The following GTF2E2 variants were observed in gnomAD, a reference collection of about 807,000 sequenced individuals.
GTF2E2 encodes general transcription factor IIE subunit 2.
In GTF2E2, 21 loss-of-function variants were observed where a neutral mutation model predicts 40.5. That is an observed-to-expected ratio of 0.52 (90% confidence interval 0.37 to 0.75). The LOEUF is 0.75. Among genes scored for constraint, GTF2E2 ranks in the 30% least tolerant of loss-of-function variants. The pLI, the probability that GTF2E2 is intolerant of heterozygous loss-of-function variation, is 0.00. For missense variants in GTF2E2, 298 were observed against 338.4 expected, an observed-to-expected ratio of 0.88 and a Z score of 0.94; for synonymous variants, 117 against 121.6, an observed-to-expected ratio of 0.96 and a Z score of 0.25.
At chr8:30,579,774 T>G (rs1226202514) in intron 7 of GTF2E2, among the ~76,000 whole-genome samples, 2 of 152,204 alleles carry the variant, frequency 1.3e-5, no homozygotes, top group Non-Finnish European at 2.9e-5. Context: ...CAAGGCAATG[T>G]AAAAGTCATC....
At chr8:30,620,273 CGTAT>C (rs372867912) in intron 3 of GTF2E2, among the ~76,000 whole-genome samples, 49 of 149,252 alleles carry the variant, frequency 3.3e-4, no homozygotes, top group African/African-American at 1.1e-3. Context: ...CACACACACA[CGTAT>C]ACATACACAC....
At chr8:30,596,331 A>C (rs1829004627) in intron 6 of GTF2E2, among the ~76,000 whole-genome samples, 1 of 151,834 alleles carries the variant, frequency 6.6e-6, no homozygotes, top group Non-Finnish European at 1.5e-5. Flanking sequence ...TTTTTTTCAC[A>C]CTTCAGCTGT....
At chr8:30,632,459 C>T (rs1448833026) in intron 3 of GTF2E2, among the ~76,000 whole-genome samples, 1 of 152,066 alleles carries the variant, frequency 6.6e-6, no homozygotes, top group Non-Finnish European at 1.5e-5. Context: ...GCTTTGTTAA[C>T]TAGGAGATAT....
chr8:30,636,100 T>C (rs1398252917), intron 2 of GTF2E2, among the ~76,000 whole-genome samples: 1 of 152,166 alleles, frequency 6.6e-6, no homozygotes. Context: ...AGATCATTTG[T>C]TTCAAAATAT....
chr8:30,648,997 A>G (rs953132968), intron 2 of GTF2E2, among the ~76,000 whole-genome samples: 21 of 152,354 alleles, frequency 1.4e-4, no homozygotes, highest in Non-Finnish European at 2.5e-4. Flanking sequence ...CCTGTAGCCT[A>G]AACTACAAAA....
chr8:30,644,579 A>T (rs747124778), intron 2 of GTF2E2: 1 of 151,144 alleles, frequency 6.6e-6, no homozygotes, highest in Non-Finnish European at 1.5e-5. Context: ...AAAGGTAAGA[A>T]GAATCCACAA....
intron 3 of GTF2E2, among the ~76,000 whole-genome samples, chr8:30,620,253 C>CACACACACACAA (rs1801051575): frequency 6.6e-6 from 1 of 151,626 alleles, no homozygotes; most frequent in African/African-American, 2.4e-5. Flanking sequence ...CACACACACA[C>CACACACACACAA]ACACAAACAC....
Position 30,658,002 on chromosome 8 carries a change from C to G in GTF2E2, c.-34G>C, listed in dbSNP as rs558960208. 106 of 154,658 alleles carry G rather than the reference C, an allele frequency of 6.9e-4. No individual in the cohort carries two copies. The highest frequency in any genetic ancestry group is 1.4e-3 in the Non-Finnish European group (96 of 69,780). 9.6% of individuals were successfully genotyped at this position (154,658 alleles called of 1,614,324 possible). A position where few individuals can be genotyped will look rare whatever the true frequency, so the allele number is the denominator to read the frequency against. Reference sequence around the variant, plus strand: ...GTGAGAAGGGCAGCCTCGCACGACTCGCCGCCCCCTTCCTGCGCCTCCGCC... The same window carrying G: ...GTGAGAAGGGCAGCCTCGCACGACTGGCCGCCCCCTTCCTGCGCCTCCGCC... On this transcript the variant is annotated 5_prime_UTR_variant, in exon 1 of 8. Transcript: ENST00000355904.
chr8:30,653,081 A>G (rs1802337164), intron 2 of GTF2E2, among the ~76,000 whole-genome samples: 1 of 152,226 alleles, frequency 6.6e-6, no homozygotes. Flanking sequence ...AAATGGGCAC[A>G]TCAGATCTGC....
chr8:30,608,909 C>T (rs1022886899), intron 5 of GTF2E2, among the ~76,000 whole-genome samples: 10 of 152,152 alleles, frequency 6.6e-5, no homozygotes, highest in East Asian at 1.9e-4. Flanking sequence ...CCACCACGCC[C>T]GGCTAATTTT....
At chr8:30,638,024 T>C (rs989362768) in intron 2 of GTF2E2, among the ~76,000 whole-genome samples, 9 of 152,200 alleles carry the variant, frequency 5.9e-5, no homozygotes, top group Non-Finnish European at 4.4e-5. Flanking sequence ...GACTATTTTT[T>C]GAATGCAGGT....
intron 6 of GTF2E2, among the ~76,000 whole-genome samples, chr8:30,598,724 T>G (rs1829085383): frequency 6.6e-6 from 1 of 152,220 alleles, no homozygotes; most frequent in Non-Finnish European, 1.5e-5. Context: ...AACACGGGTA[T>G]TTTAGAGGTA....
intron 5 of GTF2E2, 21 bp downstream of exon 5, chr8:30,612,278 T>G (rs747141779): frequency 6.9e-7 from 1 of 1,441,000 alleles, no homozygotes. Context: ...TATTAAGACA[T>G]AGAAAGAAAA....
intron 2 of GTF2E2, among the ~76,000 whole-genome samples, chr8:30,641,488 A>C (rs898848160): frequency 2.0e-5 from 3 of 152,094 alleles, no homozygotes; most frequent in Non-Finnish European, 4.4e-5. Context: ...TGAGCCTCCC[A>C]AGTAGCCGAG....
intron 6 of GTF2E2, among the ~76,000 whole-genome samples, chr8:30,581,763 C>T (rs1828520674): frequency 6.6e-6 from 1 of 152,286 alleles, no homozygotes; most frequent in Admixed American, 6.5e-5. Context: ...CCTCTCTAAG[C>T]TCCTTGAGAG....
chr8:30,580,598 C>G (rs1346497102), intron 6 of GTF2E2, among the ~76,000 whole-genome samples: 1 of 152,136 alleles, frequency 6.6e-6, no homozygotes, highest in Admixed American at 6.5e-5. Context: ...ACCCACACAG[C>G]CCCGACAGTG....
intron 2 of GTF2E2, chr8:30,645,187 G>A (rs1039409658): frequency 6.5e-6 from 7 of 1,072,020 alleles, no homozygotes; most frequent in Non-Finnish European, 7.8e-6. Context: ...GATTCATGTT[G>A]CCTATACAAA....
chr8:30,625,238 T>C (rs544296280), intron 3 of GTF2E2, among the ~76,000 whole-genome samples: 10 of 152,252 alleles, frequency 6.6e-5, no homozygotes, highest in Middle Eastern at 3.4e-3. Flanking sequence ...TTGAATTTTG[T>C]CAAAGGCCTT....
chr8:30,612,696 A>C (rs932015435), intron 4 of GTF2E2, among the ~76,000 whole-genome samples: 2 of 151,920 alleles, frequency 1.3e-5, no homozygotes, highest in African/African-American at 4.8e-5. Flanking sequence ...GCAGGTGCGC[A>C]CCACCACACC....
Sources: gnomAD v4.1 joint callset for allele counts (sites outside exome capture counted in the v4.1 genomes callset) on GRCh38, gnomAD v4.1.1 for gene constraint, MANE v1.5 for transcripts, NCBI Gene and HGNC (gene_info 2026-07-23, HGNC 2026-07-21) for gene names.